The following GPC6 variants were observed in gnomAD, a reference collection of about 807,000 sequenced individuals.
The protein encoded by GPC6 is glypican-6.
GPC6 carries 14 observed loss-of-function variants against 55.2 expected under a neutral mutation model. That is an observed-to-expected ratio of 0.25 (90% CI 0.17 to 0.40). The LOEUF is 0.40. GPC6 is among the 10% of genes least tolerant of loss of function. The pLI, the probability that GPC6 is intolerant of heterozygous loss-of-function variation, is 1.00. For missense variants in GPC6, 641 were observed against 708.5 expected, an observed-to-expected ratio of 0.90 and a Z score of 1.08; for synonymous variants, 278 against 259.6, an observed-to-expected ratio of 1.07 and a Z score of -0.68.
At chr13:93,273,203 G>A (rs1225347863) in intron 1 of GPC6, among the ~76,000 whole-genome samples, 3 of 152,076 alleles carry the variant, frequency 2.0e-5, no homozygotes, top group African/African-American at 7.3e-5. Context: ...TTTACAAAAA[G>A]ATAGTCTGAA....
intron 4 of GPC6, among the ~76,000 whole-genome samples, chr13:94,185,145 G>A (rs1432701265): frequency 1.3e-5 from 2 of 151,890 alleles, no homozygotes; most frequent in Non-Finnish European, 2.9e-5. Flanking sequence ...TAGCAGAGTG[G>A]GGAAGGAGGA....
At chr13:94,239,833 C>G (rs1015561600) in intron 4 of GPC6, among the ~76,000 whole-genome samples, 5 of 152,028 alleles carry the variant, frequency 3.3e-5, no homozygotes, top group African/African-American at 1.2e-4. Context: ...GGCTCTCAAT[C>G]CACTCAGCTT....
chr13:93,325,443 T>A lies in GPC6; in HGVS notation c.160+97827T>A, dbSNP rs9516222. 6.6e-5 allele frequency among the ~76,000 whole-genome samples: 10 copies of A among 152,068 alleles called. 1 individual carries two copies. In the South Asian group the frequency reaches 1.7e-3, roughly 25 times the overall value. ...AATTCAGATGGTAGCAATGGGTAGC[T>A]TATACTCAGTAAGAGAGGAACACAG... On this transcript the variant is annotated intron_variant, in intron 1 of 8. Coordinates refer to ENST00000377047, the MANE Select transcript of GPC6 (RefSeq NM_005708.5).
chr13:94,115,528 A>G (rs1408207445), intron 4 of GPC6, among the ~76,000 whole-genome samples: 1 of 152,144 alleles, frequency 6.6e-6, no homozygotes, highest in Non-Finnish European at 1.5e-5. Flanking sequence ...CACAGAGAAC[A>G]GACTCATTGA....
chr13:93,744,196 G>A (rs770345558), intron 2 of GPC6, among the ~76,000 whole-genome samples: 8 of 152,024 alleles, frequency 5.3e-5, no homozygotes, highest in African/African-American at 9.7e-5. Context: ...CTTTCCACAT[G>A]GGAGGTCTCT....
chr13:94,243,016 G>A (rs74644596), intron 4 of GPC6, among the ~76,000 whole-genome samples: 4,378 of 151,766 alleles, frequency 0.029, 211 homozygotes, highest in African/African-American at 0.093. Context: ...TTAATTGTCA[G>A]AGGATTATAT....
intron 5 of GPC6, among the ~76,000 whole-genome samples, chr13:94,297,706 T>A (rs962103466): frequency 6.6e-6 from 1 of 152,192 alleles, no homozygotes; most frequent in African/African-American, 2.4e-5. Flanking sequence ...ACCTTAAAAC[T>A]GACACAGTAG....
chr13:94,264,938 T>C (rs1170273406), intron 4 of GPC6, among the ~76,000 whole-genome samples: 1 of 152,118 alleles, frequency 6.6e-6, no homozygotes, highest in Non-Finnish European at 1.5e-5. Context: ...AGCCATCAGA[T>C]CTCGTGAGAC....
intron 4 of GPC6, among the ~76,000 whole-genome samples, chr13:94,119,181 A>G (rs1886539218): frequency 6.6e-6 from 1 of 152,124 alleles, no homozygotes; most frequent in African/African-American, 2.4e-5. Flanking sequence ...GCAAGCCACT[A>G]TTCCAGGTCG....
rs543242760 is a variant in GPC6 at position 94,303,134 on chromosome 13, G to T, written c.1009-2846G>T. On this transcript the variant is annotated intron_variant, in intron 5 of 8. Transcript: ENST00000377047. ...CTCAGCTCCAGCCGTAACAAACACA[G>T]ACCAGAAGAGTGTGCAGTTGCAAGA... Among the ~76,000 whole-genome samples the T allele has an allele frequency of 7.9e-5, 12 of 152,338 alleles. No homozygotes were observed. In the East Asian group the frequency reaches 2.1e-3, roughly 27 times the overall value.
At chr13:93,880,009 A>T (rs979115133) in intron 3 of GPC6, among the ~76,000 whole-genome samples, 6 of 151,418 alleles carry the variant, frequency 4.0e-5, no homozygotes, top group Admixed American at 6.6e-5. Context: ...TCAAAACCAC[A>T]ATGAGATACC....
chr13:94,093,370 C>T (rs552582021), intron 4 of GPC6, among the ~76,000 whole-genome samples: 18 of 152,112 alleles, frequency 1.2e-4, no homozygotes, highest in East Asian at 1.9e-4. Flanking sequence ...CTTTCCTTTT[C>T]GCATTGTGTA....
intron 1 of GPC6, among the ~76,000 whole-genome samples, chr13:93,438,053 T>G (rs1440748296): frequency 6.6e-6 from 1 of 152,160 alleles, no homozygotes; most frequent in African/African-American, 2.4e-5. Context: ...CAAACCTGGA[T>G]TGACAGTGCA....
chr13:93,789,610 T>TACTACATATATATATATATAATACTAC (rs1178827836), intron 2 of GPC6, among the ~76,000 whole-genome samples: 6 of 27,698 alleles, frequency 2.2e-4, no homozygotes, highest in African/African-American at 7.3e-4. Context: ...TATATATATA[T>TACTACATATATATATATATAATACTAC]ATATATATAT....
intron 4 of GPC6, among the ~76,000 whole-genome samples, chr13:94,165,845 T>A (rs766556112): frequency 1.3e-5 from 2 of 152,154 alleles, no homozygotes; most frequent in Non-Finnish European, 2.9e-5. Context: ...GCTACTTGCT[T>A]GATCAAATCA....
At position 93,850,209 on chromosome 13, in the gene GPC6, A is replaced by T. The variant is rs542508220; in HGVS notation, c.711+19664A>T. The stretch of plus-strand genomic sequence containing the variant: ...AAAACACCAGTGCATATGTTTATTC[A>T]CCCCTTCATTCAGCAGCATTTATTG... On this transcript the variant is annotated intron_variant, in intron 3 of 8. Coordinates refer to ENST00000377047, the MANE Select transcript of GPC6 (RefSeq NM_005708.5). Among the ~76,000 whole-genome samples, 3 of 149,948 alleles carry T rather than the reference A, an allele frequency of 2.0e-5. No individual in the cohort carries two copies. In the East Asian group the frequency reaches 5.8e-4, roughly 29 times the overall value.
intron 1 of GPC6, among the ~76,000 whole-genome samples, chr13:93,541,834 A>T (rs1882317566): frequency 6.6e-6 from 1 of 150,866 alleles, no homozygotes; most frequent in Non-Finnish European, 1.5e-5. Context: ...TCTTTTGAGA[A>T]GTGTCTGTTC....
At position 94,339,751 on chromosome 13, in the gene GPC6, C is replaced by CTTTTTTTT. The variant is rs56074677; in HGVS notation, c.1152+33650_1152+33657dup. ...TTAAGTCTGCAACCTGCATACTTTC[C>CTTTTTTTT]TTTTTTTTTTTTTTTTTTTTTTTTT... On this transcript the variant is annotated intron_variant, in intron 6 of 8. Coordinates refer to ENST00000377047, the MANE Select transcript of GPC6 (RefSeq NM_005708.5). Among the ~76,000 whole-genome samples the CTTTTTTTT allele has an allele frequency of 4.5e-3, 286 of 63,822 alleles. 31 individuals are homozygous for CTTTTTTTT. The highest frequency in any genetic ancestry group is 0.016 in the East Asian group (38 of 2,310). 41.9% of individuals were successfully genotyped at this position (63,822 alleles called of 152,430 possible). A position where few individuals can be genotyped will look rare whatever the true frequency, so the allele number is the denominator to read the frequency against.
chr13:93,597,025 A>G (rs1290705051), intron 2 of GPC6, among the ~76,000 whole-genome samples: 1 of 146,324 alleles, frequency 6.8e-6, no homozygotes, highest in Non-Finnish European at 1.5e-5. Flanking sequence ...AAAAAAAAAA[A>G]AAAAAGAAAA....
Sources: gnomAD v4.1 joint callset for allele counts (sites outside exome capture counted in the v4.1 genomes callset) on GRCh38, gnomAD v4.1.1 for gene constraint, MANE v1.5 for transcripts, NCBI Gene and HGNC (gene_info 2026-07-23, HGNC 2026-07-21) for gene names.